MYO3A: variants seen among roughly 807,000 people sequenced by gnomAD.
MYO3A encodes myosin IIIA, also known as myosin-IIIa.
Under a neutral mutation model 192.7 loss-of-function variants are expected in MYO3A, and 180 were observed. That is an observed-to-expected ratio of 0.93 (90% CI 0.83 to 1.06). The LOEUF is 1.06. Among genes scored for constraint, MYO3A ranks in the 50% least tolerant of loss-of-function variants. The pLI is 0.00. For synonymous variants in MYO3A, 628 were observed against 645.3 expected, an observed-to-expected ratio of 0.97 and a Z score of 0.41; for missense variants, 1,896 against 1,905.0, an observed-to-expected ratio of 1.00 and a Z score of 0.09.
intron 22 of MYO3A, among the ~76,000 whole-genome samples, chr10:26,146,244 A>G (rs1840459177): frequency 6.6e-6 from 1 of 152,158 alleles, no homozygotes; most frequent in Non-Finnish European, 1.5e-5. Flanking sequence ...TTTCACAATG[A>G]TGTCATAAAT....
intron 20 of MYO3A, among the ~76,000 whole-genome samples, chr10:26,132,142 G>A (rs1264456825): frequency 6.6e-6 from 1 of 152,112 alleles, no homozygotes; most frequent in African/African-American, 2.4e-5. Context: ...GAATTTCCAC[G>A]ATAAATATGT....
intron 10 of MYO3A, among the ~76,000 whole-genome samples, chr10:26,036,111 A>G (rs1457851926): frequency 6.7e-6 from 1 of 149,492 alleles, no homozygotes; most frequent in East Asian, 2.0e-4. Context: ...TTTTTTTTGT[A>G]TTTTTTTTTA....
chr10:26,011,884 C>A (rs1214477372), intron 6 of MYO3A, among the ~76,000 whole-genome samples: 1 of 152,130 alleles, frequency 6.6e-6, no homozygotes, highest in Non-Finnish European at 1.5e-5. Flanking sequence ...AACAGCACGT[C>A]AAGAAGATAA....
At chr10:26,134,298 G>A (rs956039327) in intron 20 of MYO3A, among the ~76,000 whole-genome samples, 3 of 152,030 alleles carry the variant, frequency 2.0e-5, no homozygotes, top group African/African-American at 7.2e-5. Flanking sequence ...AATGACTTGT[G>A]TCATCTCAAG....
intron 6 of MYO3A, among the ~76,000 whole-genome samples, chr10:26,015,840 C>T (rs1309377180): frequency 6.6e-6 from 1 of 152,156 alleles, no homozygotes; most frequent in East Asian, 1.9e-4. Flanking sequence ...TGGTAAAAGT[C>T]AAATGCCATC....
chr10:26,068,852 C>T lies in MYO3A; in HGVS notation c.1138C>T (p.Pro380Ser). 1 of 1,595,898 alleles carries T rather than the reference C, an allele frequency of 6.3e-7. No homozygotes were observed. Among genetic ancestry groups the T allele is most frequent in the Non-Finnish European group, 8.6e-7 (1 of 1,163,632 alleles). The part of the protein sequence containing the change: ...YVGDILIALN[P>S]FQSLGLYSTK... ...GGGAGACATACTCATTGCTCTTAAC[C>T]CTTTTCAGAGTCTGGGTCTTTACTC... Residue 380 changes from proline to serine, a missense_variant, in exon 12 of 35, where the codon CCT (proline) becomes TCT (serine). Coordinates refer to ENST00000642920, the MANE Select transcript of MYO3A (RefSeq NM_017433.5).
intron 2 of MYO3A, among the ~76,000 whole-genome samples, chr10:25,951,562 GC>G (rs1485770191): frequency 1.3e-5 from 2 of 152,142 alleles, no homozygotes; most frequent in African/African-American, 2.4e-5. Flanking sequence ...GAGAGAAGAG[GC>G]TGGAACATTA....
At chr10:26,126,447 G>A (rs532004046) in intron 19 of MYO3A, among the ~76,000 whole-genome samples, 1 of 152,110 alleles carries the variant, frequency 6.6e-6, no homozygotes, top group East Asian at 1.9e-4. Context: ...ATTATACTAT[G>A]TATAGTCAAA....
intron 27 of MYO3A, 59 bp downstream of exon 27, chr10:26,166,237 T>A (rs533691247): frequency 1.5e-6 from 2 of 1,347,636 alleles, no homozygotes; most frequent in South Asian, 2.3e-5. Context: ...CACTGAGAAT[T>A]GTAACATTTT....
In MYO3A at chr10:26,212,099, G is replaced by A; in HGVS notation, c.*136G>A. 7.5e-7 allele frequency: 1 copy of A among 1,331,542 alleles called. No homozygotes were observed. The highest frequency in any genetic ancestry group is 1.0e-6 in the Non-Finnish European group (1 of 997,412). The allele number at this position is 1,331,542 out of a possible 1,614,324, so 82.5% of individuals were successfully genotyped here. ...GATCTCCGCAGAGGCTGCCTGCTGC[G>A]CTCGGCCCTCAAGTGCCCGGGCCGG... On this transcript the variant is annotated 3_prime_UTR_variant, in exon 35 of 35. Transcript: ENST00000642920.
chr10:26,122,550 A>C (rs1458412465), intron 18 of MYO3A, among the ~76,000 whole-genome samples: 1 of 152,140 alleles, frequency 6.6e-6, no homozygotes, highest in Non-Finnish European at 1.5e-5. Flanking sequence ...CAAAAACAAC[A>C]TCACCTCTCA....
intron 31 of MYO3A, among the ~76,000 whole-genome samples, chr10:26,177,146 A>G (rs1842376570): frequency 6.6e-6 from 1 of 152,124 alleles, no homozygotes; most frequent in South Asian, 2.1e-4. Context: ...GGCTGGCAGG[A>G]GGCAGATTTG....
At chr10:26,075,398 A>G (rs911991891) in intron 14 of MYO3A, among the ~76,000 whole-genome samples, 2 of 151,568 alleles carry the variant, frequency 1.3e-5, no homozygotes, top group African/African-American at 4.8e-5. Context: ...ACACTGCACC[A>G]TATTTGAAGT....
intron 4 of MYO3A, among the ~76,000 whole-genome samples, chr10:25,969,329 G>C (rs911738730): frequency 1.3e-5 from 2 of 152,154 alleles, no homozygotes; most frequent in Non-Finnish European, 2.9e-5. Flanking sequence ...ACTGTACCTA[G>C]TTTATAAGTT....
chr10:26,181,044 C>A (rs75470959), intron 31 of MYO3A, among the ~76,000 whole-genome samples: 9,005 of 152,042 alleles, frequency 0.059, 347 homozygotes, highest in Non-Finnish European at 0.085. Context: ...TTACAAAAAT[C>A]AATCACAGAT....
At position 25,952,135 on chromosome 10, in the gene MYO3A, A is replaced by G. The variant is rs1015649982; in HGVS notation, c.25A>G (p.Ile9Val). 1.2e-5 allele frequency: 20 copies of G among 1,611,920 alleles called. No individual in the cohort carries two copies. The highest frequency in any genetic ancestry group is 1.6e-5 in the Non-Finnish European group (19 of 1,178,584). ...GATGTTTCCATTAATTGGAAAAACA[A>G]TCATCTTTGATAACTTTCCTGATCC... MFPLIGKT[I>V]IFDNFPDPSD... Residue 9 changes from isoleucine to valine, a missense_variant, in exon 3 of 35, where the codon ATC becomes GTC. Physicochemically the swap from Ile to Val is conservative, Grantham distance 29. Transcript: ENST00000642920.
intron 33 of MYO3A, 56 bp downstream of exon 33, chr10:26,201,361 C>G: frequency 7.5e-7 from 1 of 1,325,564 alleles, no homozygotes; most frequent in African/African-American, 1.5e-5. Context: ...AAATAAAAAT[C>G]CATGTGTTCA....
intron 6 of MYO3A, among the ~76,000 whole-genome samples, chr10:26,000,888 G>T (rs1202214358): frequency 6.6e-6 from 1 of 152,178 alleles, no homozygotes; most frequent in African/African-American, 2.4e-5. Flanking sequence ...ATGAGGCATG[G>T]CTGGGGAGGC....
At chr10:26,031,704 C>G (rs905725875) in intron 10 of MYO3A, among the ~76,000 whole-genome samples, 4 of 152,222 alleles carry the variant, frequency 2.6e-5, no homozygotes, top group African/African-American at 9.6e-5. Flanking sequence ...CTCACTGTTG[C>G]TCAGGCTGGC....
Sources: gnomAD v4.1 joint callset for allele counts (sites outside exome capture counted in the v4.1 genomes callset) on GRCh38, gnomAD v4.1.1 for gene constraint, MANE v1.5 for transcripts, NCBI Gene and HGNC (gene_info 2026-07-23, HGNC 2026-07-21) for gene names.